PLXNA4: variants seen among roughly 807,000 people sequenced by gnomAD.
The protein encoded by PLXNA4 is plexin-A4.
PLXNA4 carries 44 observed loss-of-function variants against 191.8 expected under a neutral mutation model. That is an observed-to-expected ratio of 0.23 (90% CI 0.18 to 0.29). The LOEUF (loss-of-function observed/expected upper bound fraction) is 0.29, where lower values mean the gene tolerates loss of function less well. Among genes scored for constraint, PLXNA4 ranks in the 10% least tolerant of loss-of-function variants. PLXNA4 has a pLI of 1.00. For missense variants in PLXNA4, 1,800 were observed against 2,488.8 expected (o/e 0.72, Z 5.89); for synonymous variants, 1,082 against 1,009.5 (o/e 1.07, Z -1.36).
At chr7:132,491,560 G>C (rs1178192331) in intron 2 of PLXNA4, among the ~76,000 whole-genome samples, 2 of 151,964 alleles carry the variant, frequency 1.3e-5, no homozygotes, top group East Asian at 3.9e-4. Flanking sequence ...CCAGGCCTTT[G>C]ATAGCCTCTG....
chr7:132,566,510 A>T (rs1489458631), intron 1 of PLXNA4, among the ~76,000 whole-genome samples: 1 of 152,142 alleles, frequency 6.6e-6, no homozygotes. Context: ...AACCGTCCAA[A>T]GTTTAGGGAG....
At chr7:132,559,345 C>T (rs1335202167) in intron 1 of PLXNA4, among the ~76,000 whole-genome samples, 1 of 152,132 alleles carries the variant, frequency 6.6e-6, no homozygotes, top group East Asian at 1.9e-4. Context: ...GCCCAAAGCA[C>T]AAGACAATTT....
rs1482751272 is a variant in PLXNA4 at position 132,162,567 on chromosome 7, G to T, written c.4500+1575C>A. On this transcript the variant is annotated intron_variant, in intron 24 of 31. Coordinates refer to ENST00000321063, the MANE Select transcript of PLXNA4 (RefSeq NM_020911.2). ...GAAAGAAAGGGAGTGGAACGGGGGA[G>T]ACAGGGTGGAAGACATTTACGCAGT... is the stretch of plus-strand genomic sequence containing the variant. Among the ~76,000 whole-genome samples, 4 of 152,192 alleles carry T rather than the reference G, an allele frequency of 2.6e-5. No individual in the cohort carries two copies. In the East Asian group the frequency reaches 7.7e-4, roughly 29 times the overall value.
intron 3 of PLXNA4, 116 bp downstream of exon 3, chr7:132,489,176 C>T: frequency 9.0e-7 from 1 of 1,116,622 alleles, no homozygotes; most frequent in Non-Finnish European, 1.3e-6. Context: ...CTCCTTAGCT[C>T]AAATCTGTAT....
intron 3 of PLXNA4, among the ~76,000 whole-genome samples, chr7:132,342,903 C>T (rs1371521421): frequency 6.8e-6 from 1 of 146,950 alleles, no homozygotes; most frequent in Non-Finnish European, 1.5e-5. Context: ...GCCAAGATTG[C>T]ACCACTGTAC....
chr7:132,549,620 T>C (rs534609241), intron 1 of PLXNA4, among the ~76,000 whole-genome samples: 4 of 152,300 alleles, frequency 2.6e-5, no homozygotes, highest in Non-Finnish European at 5.9e-5. Flanking sequence ...ATTTCCGTGC[T>C]TCTGGGAGGG....
In PLXNA4 at chr7:132,401,826, C is replaced by T. The variant is rs371287995; in HGVS notation, c.1371+87466G>A. Among the ~76,000 whole-genome samples, 17 of 152,284 alleles carry T rather than the reference C, an allele frequency of 1.1e-4. 1 individual carries two copies. The highest frequency in any genetic ancestry group is 4.1e-4 in the African/African-American group (17 of 41,560). ...TGGATCTTTCAAACACCTGAACCAG[C>T]TCTAAGTCCCTGCAAATTGCCAAGA... On this transcript the variant is annotated intron_variant, in intron 3 of 31. Coordinates refer to ENST00000321063, the MANE Select transcript of PLXNA4 (RefSeq NM_020911.2).
At chr7:132,254,958 G>C (rs1335237197) in intron 4 of PLXNA4, among the ~76,000 whole-genome samples, 1 of 152,166 alleles carries the variant, frequency 6.6e-6, no homozygotes, top group East Asian at 1.9e-4. Context: ...GGTAGGAGGA[G>C]GCTAATTCCA....
intron 3 of PLXNA4, among the ~76,000 whole-genome samples, chr7:132,299,116 C>T (rs189931464): frequency 4.6e-5 from 7 of 152,322 alleles, no homozygotes; most frequent in South Asian, 2.1e-4. Flanking sequence ...ATGACCGCTG[C>T]GCAGTCAGTG....
chr7:132,547,507 T>C (rs868462955), intron 1 of PLXNA4, among the ~76,000 whole-genome samples: 27 of 152,304 alleles, frequency 1.8e-4, no homozygotes, highest in South Asian at 2.1e-4. Context: ...TGCTCCTGAA[T>C]GCATGCAGGC....
At chr7:132,341,065 C>T (rs554721139) in intron 3 of PLXNA4, among the ~76,000 whole-genome samples, 24 of 152,248 alleles carry the variant, frequency 1.6e-4, no homozygotes, top group African/African-American at 3.4e-4. Context: ...TAGAACATTT[C>T]GAGGGGCATG....
Position 132,576,430 on chromosome 7 carries a change from G to A in PLXNA4, c.-95C>T, listed in dbSNP as rs1802241207. 1 of 985,884 alleles carries A rather than the reference G, an allele frequency of 1.0e-6. No homozygotes were observed. The allele number at this position is 985,884 out of a possible 1,614,324, so 61.1% of individuals were successfully genotyped here. ...GCGGGCCGGCTCCTTACCTGGACGC[G>A]CCGCGTTTCCCTCCTTCAGCGGGAG... On this transcript the variant is annotated 5_prime_UTR_variant, in exon 1 of 32. Coordinates refer to ENST00000321063, the MANE Select transcript of PLXNA4 (RefSeq NM_020911.2). This position sits in a 1 kb window ranked among gnomAD's most constrained non-coding sequence, Gnocchi z 5.8.
chr7:132,468,608 G>A (rs1273820755), intron 3 of PLXNA4, among the ~76,000 whole-genome samples: 1 of 152,090 alleles, frequency 6.6e-6, no homozygotes, highest in Non-Finnish European at 1.5e-5. Context: ...TGCAGATGTA[G>A]GAGTAGAATG....
At chr7:132,461,187 C>A (rs1320872053) in intron 3 of PLXNA4, among the ~76,000 whole-genome samples, 1 of 152,124 alleles carries the variant, frequency 6.6e-6, no homozygotes, top group East Asian at 1.9e-4. Context: ...GGTCTCTGTA[C>A]AACAAGGCTT....
In PLXNA4 at chr7:132,293,027, G is replaced by A. The variant is rs537146612; in HGVS notation, c.1503+5064C>T. Among the ~76,000 whole-genome samples, 5 of 152,306 alleles carry A rather than the reference G, an allele frequency of 3.3e-5. No homozygotes were observed. In the East Asian group the frequency reaches 5.8e-4, roughly 18 times the overall value. ...AAAGGCCTGTTTGCTGGTACACGGA[G>A]AGCCAGGGTCCAGGGTCACAAAATG... is the stretch of plus-strand genomic sequence containing the variant. On this transcript the variant is annotated intron_variant, in intron 4 of 31. Transcript: ENST00000321063.
chr7:132,589,128 A>G (rs1372065220), intron 2 of PLXNA4, among the ~76,000 whole-genome samples: 1 of 152,218 alleles, frequency 6.6e-6, no homozygotes, highest in Non-Finnish European at 1.5e-5. Context: ...ATATGTCACT[A>G]TGCTGCAGAT....
chr7:132,168,471 C>T lies in PLXNA4; in HGVS notation c.4119G>A (p.Glu1373=). The part of the protein sequence containing the change: ...VFLLSFIRTL[E]SQRSFSMRDR... ...CGCGCATGGAGAAGCTACGCTGGGACTCAAGCGTGCGGATGAAGGACAGCA... is the reference window on the plus strand; with the variant it reads ...CGCGCATGGAGAAGCTACGCTGGGATTCAAGCGTGCGGATGAAGGACAGCA... Residue 1373 remains glutamate (E), a synonymous_variant, in exon 22 of 32, where the codon GAG becomes GAA. Transcript: ENST00000321063. 6.2e-7 allele frequency: 1 copy of T among 1,613,984 alleles called. No homozygotes were observed. Among genetic ancestry groups the T allele is most frequent in the Non-Finnish European group, 8.5e-7 (1 of 1,179,892 alleles).
chr7:132,282,398 C>T (rs1219047107), intron 4 of PLXNA4, among the ~76,000 whole-genome samples: 1 of 151,696 alleles, frequency 6.6e-6, no homozygotes, highest in African/African-American at 2.4e-5. Flanking sequence ...CATGGAGAAA[C>T]CCCATCTCTA....
chr7:132,647,292 C>T (rs1035040056), intron 1 of PLXNA4, among the ~76,000 whole-genome samples: 2 of 151,208 alleles, frequency 1.3e-5, no homozygotes, highest in African/African-American at 4.9e-5. Context: ...CACAAACCCA[C>T]ACTGTCATAC....
Sources: gnomAD v4.1 joint callset for allele counts (sites outside exome capture counted in the v4.1 genomes callset) on GRCh38, gnomAD v4.1.1 for gene constraint, Gnocchi (gnomAD v3.1) non-coding constraint, MANE v1.5 for transcripts, NCBI Gene and HGNC (gene_info 2026-07-23, HGNC 2026-07-21) for gene names.